Variants in IPCEF1 observed in about 807,000 individuals in gnomAD.
IPCEF1 encodes interactor protein for cytohesin exchange factors 1.
In IPCEF1, 31 loss-of-function variants were observed where a neutral mutation model predicts 50.9. The ratio of observed to expected loss-of-function variants is 0.61; its 90% CI spans 0.46 to 0.82. IPCEF1 has a LOEUF of 0.82. Among genes scored for constraint, IPCEF1 ranks in the 40% least tolerant of loss-of-function variants. The pLI is 0.00. For missense variants in IPCEF1, 458 were observed against 514.0 expected (o/e 0.89, Z 1.05); for synonymous variants, 181 against 192.0 (o/e 0.94, Z 0.47).
At chr6:154,288,676 CAA>C (rs558703057) in intron 2 of IPCEF1, among the ~76,000 whole-genome samples, 39 of 46,934 alleles carry the variant, frequency 8.3e-4, no homozygotes, top group East Asian at 7.7e-3. Flanking sequence ...ACAAAAAAAA[CAA>C]AAAAAAAAAA....
intron 11 of IPCEF1, among the ~76,000 whole-genome samples, 176 bp from the exon 12 acceptor site, chr6:154,160,216 C>T (rs141171985): frequency 1.8e-4 from 27 of 152,288 alleles, no homozygotes; most frequent in African/African-American, 4.1e-4. Context: ...TGTTTGCATA[C>T]GCTAGCCGCA....
chr6:154,164,540 T>C (rs1264421666), intron 11 of IPCEF1, among the ~76,000 whole-genome samples: 1 of 152,194 alleles, frequency 6.6e-6, no homozygotes, highest in Non-Finnish European at 1.5e-5. Context: ...TGAACTACTT[T>C]CACAACATCC....
At chr6:154,324,869 A>C (rs747792240) in intron 1 of IPCEF1, among the ~76,000 whole-genome samples, 18 of 126,530 alleles carry the variant, frequency 1.4e-4, no homozygotes, top group Non-Finnish European at 2.3e-4. Flanking sequence ...GTGACTACAT[A>C]AAATACGTTT....
At chr6:154,322,237 C>G (rs1302511538) in intron 1 of IPCEF1, among the ~76,000 whole-genome samples, 1 of 152,184 alleles carries the variant, frequency 6.6e-6, no homozygotes, top group Non-Finnish European at 1.5e-5. Context: ...CACCTACAGG[C>G]TGGGCAAGGT....
intron 2 of IPCEF1, among the ~76,000 whole-genome samples, chr6:154,283,311 A>AAATT (rs1409133084): frequency 4.0e-5 from 5 of 125,468 alleles, no homozygotes; most frequent in African/African-American, 1.6e-4. Flanking sequence ...AAAAAAAAAA[A>AAATT]GAGGGCCGGG....
intron 2 of IPCEF1, among the ~76,000 whole-genome samples, chr6:154,267,280 C>G (rs980704673): frequency 7.9e-5 from 12 of 151,690 alleles, no homozygotes; most frequent in African/African-American, 2.9e-4. Flanking sequence ...AATAGAAGAA[C>G]AAATAAAGGA....
At position 154,257,015 on chromosome 6, in the gene IPCEF1, G is replaced by A. The variant is rs150964910; in HGVS notation, c.36+8897C>T. 5.9e-5 allele frequency among the ~76,000 whole-genome samples: 9 copies of A among 152,280 alleles called. No homozygotes were observed. In the East Asian group the frequency reaches 1.7e-3, roughly 29 times the overall value. On this transcript the variant is annotated intron_variant, in intron 3 of 11. Transcript: ENST00000367220. ...TAAGCTATGATGTTCAGTAGATTAG[G>A]TGTATTAAGTGCATTTTCAACTTAA...
At chr6:154,353,217 C>T (rs925520513) in intron 1 of IPCEF1, among the ~76,000 whole-genome samples, 1 of 151,864 alleles carries the variant, frequency 6.6e-6, no homozygotes, top group Non-Finnish European at 1.5e-5. Context: ...ATCACTAAAA[C>T]ATTGCTTTTG....
chr6:154,205,526 C>T (rs1283370696), intron 9 of IPCEF1, among the ~76,000 whole-genome samples: 1 of 152,080 alleles, frequency 6.6e-6, no homozygotes, highest in Non-Finnish European at 1.5e-5. Flanking sequence ...ACCCAGGAGG[C>T]GGAAGTTGCA....
At chr6:154,207,189 C>T (rs1490684483) in intron 9 of IPCEF1, among the ~76,000 whole-genome samples, 1 of 152,168 alleles carries the variant, frequency 6.6e-6, no homozygotes, top group Admixed American at 6.5e-5. Flanking sequence ...GGAGAGCCAC[C>T]GGGCTGCGTG....
chr6:154,288,667 C>CAAAAAAAAAA (rs552235190), intron 2 of IPCEF1, among the ~76,000 whole-genome samples: 1 of 112,642 alleles, frequency 8.9e-6, no homozygotes, highest in African/African-American at 3.2e-5. Flanking sequence ...GTCTAAAAAA[C>CAAAAAAAAAA]AAAAAAAACA....
At chr6:154,318,712 C>CAAAAAA (rs57436031) in intron 1 of IPCEF1, among the ~76,000 whole-genome samples, 3 of 98,810 alleles carry the variant, frequency 3.0e-5, no homozygotes, top group Non-Finnish European at 6.1e-5. Flanking sequence ...GACCCTGTCT[C>CAAAAAA]AAAAAAAAAA....
chr6:154,190,575 A>G (rs1256235745), intron 10 of IPCEF1, among the ~76,000 whole-genome samples: 1 of 152,246 alleles, frequency 6.6e-6, no homozygotes, highest in Non-Finnish European at 1.5e-5. Flanking sequence ...GCAAAATGGT[A>G]CAGCCACTTT....
At position 154,199,991 on chromosome 6, in the gene IPCEF1, TACG is replaced by T. The variant is rs1776932561; in HGVS notation, c.584_586del (p.Ser195del). ...TGTATTTTCCAGGGAAGAGAAAGAA[TACG>T]ACGTTCCACTCAGGCTGGGTGAGGA... On this transcript the variant is annotated inframe_deletion, in exon 10 of 12. Transcript: ENST00000367220. 1 of 1,614,074 alleles carries T rather than the reference TACG, an allele frequency of 6.2e-7. No individual in the cohort carries two copies. Among genetic ancestry groups the T allele is most frequent in the African/African-American group, 1.3e-5 (1 of 74,936 alleles).
chr6:154,330,668 G>A (rs1025433115), intron 1 of IPCEF1, among the ~76,000 whole-genome samples: 1 of 152,078 alleles, frequency 6.6e-6, no homozygotes, highest in Admixed American at 6.5e-5. Context: ...TGTCTTATAT[G>A]CAAATTTAAA....
At chr6:154,285,772 T>A (rs187120180) in intron 2 of IPCEF1, among the ~76,000 whole-genome samples, 1 of 152,310 alleles carries the variant, frequency 6.6e-6, no homozygotes, top group East Asian at 1.9e-4. Context: ...TATTTTAAAA[T>A]AAGGCAAGAA....
At chr6:154,190,012 GAAATT>G (rs1278197580) in intron 10 of IPCEF1, among the ~76,000 whole-genome samples, 2 of 151,884 alleles carry the variant, frequency 1.3e-5, no homozygotes, top group African/African-American at 2.4e-5. Flanking sequence ...TTATAGGTAA[GAAATT>G]AAATAAAAAT....
intron 1 of IPCEF1, among the ~76,000 whole-genome samples, chr6:154,302,224 C>T (rs1482923975): frequency 6.6e-6 from 1 of 152,190 alleles, no homozygotes; most frequent in Admixed American, 6.5e-5. Context: ...GTAACAGAAA[C>T]ATTTATAGAC....
chr6:154,174,793 A>G lies in IPCEF1; in HGVS notation c.911-6680T>C, dbSNP rs918367257. Among the ~76,000 whole-genome samples, 23 of 152,332 alleles carry G rather than the reference A, an allele frequency of 1.5e-4. 1 individual carries two copies. Among genetic ancestry groups the G allele is most frequent in the Admixed American group, 3.3e-4 (5 of 15,300 alleles). On this transcript the variant is annotated intron_variant, in intron 10 of 11. Transcript: ENST00000367220. ...CAGAAAATTAACAAGGATATCCAGG[A>G]CTTGAACTCAGTTCTGAACCAAGCA...
Sources: allele counts gnomAD v4.1 joint callset (sites outside exome capture counted in the v4.1 genomes callset), GRCh38; gene constraint gnomAD v4.1.1; transcripts MANE v1.5; gene names NCBI Gene and HGNC (gene_info 2026-07-23, HGNC 2026-07-21).